Variants in HTRA4 observed in about 807,000 individuals in gnomAD.
The protein encoded by HTRA4 is HtrA serine peptidase 4, also known as serine protease HTRA4.
A neutral mutation model predicts 49.1 loss-of-function variants in HTRA4; 46 were observed. The observed-to-expected ratio is 0.94, with a 90% CI of 0.74 to 1.20. The LOEUF is 1.20. Ranked by LOEUF, HTRA4 falls within the 50% of genes most tolerant of loss-of-function variation. The probability of loss-of-function intolerance (pLI) is 0.00; values close to 1 mark genes in which losing one functional copy is unlikely to be tolerated. For synonymous variants in HTRA4, 261 were observed against 264.0 expected (o/e 0.99, Z 0.11); for missense variants, 602 against 636.9 (o/e 0.95, Z 0.59).
At chr8:38,978,229 C>A in intron 4 of HTRA4, 82 bp downstream of exon 4, 1 of 1,235,918 alleles carries the variant, frequency 8.1e-7, no homozygotes, top group Non-Finnish European at 1.1e-6. Context: ...CTGGGCCGCA[C>A]AGCAGGCTGT....
At chr8:38,979,372 C>A in intron 5 of HTRA4, 125 bp downstream of exon 5, 1 of 889,996 alleles carries the variant, frequency 1.1e-6, no homozygotes, top group Admixed American at 1.8e-5. Flanking sequence ...TGCTTGGGGC[C>A]AGGAGTTTGA....
Position 38,975,125 on chromosome 8 carries a change from G to A in HTRA4, c.561G>A (p.Trp187Ter). The stretch of plus-strand genomic sequence containing the variant: ...CATCGGTGGTTCACGTGCAGCTGTG[G>A]GGCAGGTAAAGGAGGAGGAGGAAGA... Reference protein sequence around the residue: ...VAPSVVHVQLWGRLLHGSRLV... With the variant: ...VAPSVVHVQL The change falls in exon 2 of 9, where the codon TGG (tryptophan) becomes TGA (stop). Residue 187 changes from tryptophan (W) to a stop codon, truncating the protein, a stop_gained. Transcript: ENST00000302495. LOFTEE classifies it high-confidence loss of function. The A allele has an allele frequency of 6.2e-7, 1 of 1,613,492 alleles. No individual in the cohort carries two copies. The highest frequency in any genetic ancestry group is 8.5e-7 in the Non-Finnish European group (1 of 1,179,954).
intron 8 of HTRA4, among the ~76,000 whole-genome samples, chr8:38,985,974 A>AAC: frequency 6.6e-6 from 1 of 152,150 alleles, no homozygotes; most frequent in Non-Finnish European, 1.5e-5. Flanking sequence ...GGAGTTTGAG[A>AAC]CCAGCCTGAG....
intron 2 of HTRA4, among the ~76,000 whole-genome samples, chr8:38,975,821 C>T (rs1051803840): frequency 2.0e-5 from 3 of 152,128 alleles, no homozygotes; most frequent in African/African-American, 7.2e-5. Flanking sequence ...GGCCAGTTGG[C>T]GGTGGAAACT....
chr8:38,983,182 A>G (rs902455249), intron 8 of HTRA4, 134 bp downstream of exon 8: 1 of 477,602 alleles, frequency 2.1e-6, no homozygotes, highest in South Asian at 4.4e-5. Context: ...TACTGAGCAC[A>G]TGAAATGTGG....
At position 38,982,959 on chromosome 8, in the gene HTRA4, T is replaced by C; in HGVS notation, c.1179T>C (p.Ser393=). Residue 393 remains serine (S), a synonymous_variant, in exon 8 of 9, where the codon AGT becomes AGC. Transcript: ENST00000302495. The stretch of plus-strand genomic sequence containing the variant: ...ATCTTCTCACTTCTCTTAGCCTTAG[T>C]GAAGAATTGAAAATGCATTATCCAG... ...LQMLSLTVPL[S]EELKMHYPDF... 1 of 1,608,682 alleles carries C rather than the reference T, an allele frequency of 6.2e-7. No homozygotes were observed. Among genetic ancestry groups the C allele is most frequent in the Non-Finnish European group, 8.5e-7 (1 of 1,175,278 alleles).
At chr8:38,984,069 T>C (rs7830323) in intron 8 of HTRA4, among the ~76,000 whole-genome samples, 62,542 of 151,460 alleles carry the variant, frequency 0.41, 13,484 homozygotes, top group East Asian at 0.75. Flanking sequence ...GGTGCAATCT[T>C]GGCTCACTGC....
chr8:38,982,618 C>A, intron 7 of HTRA4, 63 bp downstream of exon 7: 1 of 1,505,416 alleles, frequency 6.6e-7, no homozygotes, highest in Non-Finnish European at 9.2e-7. Flanking sequence ...GCTGCACAGT[C>A]TTAACAGAAA....
chr8:38,981,889 C>T (rs761946711), intron 6 of HTRA4, 122 bp downstream of exon 6: 9 of 706,346 alleles, frequency 1.3e-5, no homozygotes, highest in South Asian at 3.7e-5. Flanking sequence ...TGCTCGTCAT[C>T]CAGGTTGGAG....
chr8:38,983,930 TAATA>T (rs1835454433), intron 8 of HTRA4, among the ~76,000 whole-genome samples: 1 of 152,180 alleles, frequency 6.6e-6, no homozygotes, highest in Non-Finnish European at 1.5e-5. Flanking sequence ...CTTTCAACAT[TAATA>T]GTTATTACTT....
intron 6 of HTRA4, among the ~76,000 whole-genome samples, chr8:38,982,289 A>C (rs1269036248): frequency 6.6e-6 from 1 of 152,114 alleles, no homozygotes; most frequent in Non-Finnish European, 1.5e-5. Flanking sequence ...GATTGAGCTA[A>C]TGTGGAAATG....
At chr8:38,975,395 A>G (rs1178349115) in intron 2 of HTRA4, among the ~76,000 whole-genome samples, 1 of 152,180 alleles carries the variant, frequency 6.6e-6, no homozygotes, top group African/African-American at 2.4e-5. Context: ...AAGGTCAGAT[A>G]TAAGAGCTAG....
intron 3 of HTRA4, 129 bp from the exon 4 acceptor site, chr8:38,977,824 C>A: frequency 1.2e-6 from 1 of 828,546 alleles, no homozygotes. Context: ...GTGGGTGCTT[C>A]TCAGGTGGTA....
intron 8 of HTRA4, among the ~76,000 whole-genome samples, chr8:38,983,531 A>C (rs1007105972): frequency 2.0e-5 from 3 of 152,146 alleles, no homozygotes; most frequent in Non-Finnish European, 4.4e-5. Flanking sequence ...ACCTCAAAAA[A>C]AAAAATATTA....
chr8:38,981,847 A>ATTTTTT (rs1169109249), intron 6 of HTRA4, 80 bp downstream of exon 6: 5 of 1,040,564 alleles, frequency 4.8e-6, no homozygotes, highest in Non-Finnish European at 7.3e-6. Flanking sequence ...GGTGACAGCA[A>ATTTTTT]TTTTTTTGTT....
At chr8:38,980,923 T>C (rs1835410588) in intron 5 of HTRA4, among the ~76,000 whole-genome samples, 1 of 152,106 alleles carries the variant, frequency 6.6e-6, no homozygotes, top group African/African-American at 2.4e-5. Context: ...ATCCCACAGC[T>C]TTTTACCTTT....
At chr8:38,979,441 C>G (rs1057483422) in intron 5 of HTRA4, among the ~76,000 whole-genome samples, 194 bp downstream of exon 5, 2 of 152,074 alleles carry the variant, frequency 1.3e-5, no homozygotes, top group African/African-American at 4.8e-5. Context: ...CAAAAAAGGA[C>G]TTTACATATT....
In HTRA4 at chr8:38,977,978, G is replaced by C. The variant is rs770840366; in HGVS notation, c.797G>C (p.Gly266Ala). Residue 266 changes from glycine (G) to alanine (A), a missense_variant, in exon 4 of 9, where the codon GGA becomes GCA. Physicochemically the swap from Gly to Ala is moderately conservative, Grantham distance 60 (BLOSUM62 0). Transcript: ENST00000302495. ...GCTGAACTTCCTGTACTGATGCTGG[G>C]AAGATCATCTGACCTTCGGGCTGGA... Reference protein sequence around the residue: ...SNAELPVLMLGRSSDLRAGEF... With the variant: ...SNAELPVLMLARSSDLRAGEF... 1 of 1,613,956 alleles carries C rather than the reference G, an allele frequency of 6.2e-7. No individual in the cohort carries two copies. The highest frequency in any genetic ancestry group is 1.7e-5 in the Admixed American group (1 of 60,000).
intron 3 of HTRA4, among the ~76,000 whole-genome samples, chr8:38,977,423 C>T (rs1835366671): frequency 6.6e-6 from 1 of 152,178 alleles, no homozygotes; most frequent in Admixed American, 6.5e-5. Flanking sequence ...CTGCACATCA[C>T]ATATATTGAC....
Sources: allele counts gnomAD v4.1 joint callset (sites outside exome capture counted in the v4.1 genomes callset), GRCh38; gene constraint gnomAD v4.1.1; transcripts MANE v1.5; gene names NCBI Gene and HGNC (gene_info 2026-07-23, HGNC 2026-07-21).